The following PRKG1 variants were observed in gnomAD, a reference collection of about 807,000 sequenced individuals.
PRKG1 encodes the protein cGMP-dependent protein kinase 1.
PRKG1 carries 35 observed loss-of-function variants against 88.1 expected under a neutral mutation model. The observed-to-expected ratio is 0.40, with a 90% CI of 0.30 to 0.53. The LOEUF (loss-of-function observed/expected upper bound fraction) is 0.53. Ranked by LOEUF, PRKG1 falls within the 20% of genes least tolerant of loss-of-function variation. The pLI is 0.59. For synonymous variants in PRKG1, 303 were observed against 292.5 expected (o/e 1.04, Z -0.37); for missense variants, 540 against 839.8 (o/e 0.64, Z 4.41).
chr10:51,148,196 C>T (rs1056985145), intron 1 of PRKG1: 1 of 974,900 alleles, frequency 1.0e-6, no homozygotes. Context: ...GAGCTGTGGA[C>T]TGTCATGTCC....
At chr10:51,834,855 G>A (rs542371315) in intron 4 of PRKG1, among the ~76,000 whole-genome samples, 1 of 152,202 alleles carries the variant, frequency 6.6e-6, no homozygotes, top group East Asian at 1.9e-4. Flanking sequence ...ATTGCATGGG[G>A]CAAGTGAGAT....
At chr10:51,954,628 G>A (rs747485956) in intron 5 of PRKG1, among the ~76,000 whole-genome samples, 3 of 152,076 alleles carry the variant, frequency 2.0e-5, no homozygotes, top group Admixed American at 6.6e-5. Context: ...GAACATAGAC[G>A]CCCACTTTCT....
At chr10:51,533,616 T>TA (rs1411144530) in intron 3 of PRKG1, among the ~76,000 whole-genome samples, 2 of 80,258 alleles carry the variant, frequency 2.5e-5, no homozygotes, top group African/African-American at 3.3e-5. Flanking sequence ...ACTAAAAGCT[T>TA]TAAAAAAAAA....
chr10:52,220,715 A>C (rs1333099397), intron 9 of PRKG1, among the ~76,000 whole-genome samples: 1 of 151,692 alleles, frequency 6.6e-6, no homozygotes, highest in Non-Finnish European at 1.5e-5. Context: ...AATGGCCTCC[A>C]CCTCCACCCA....
chr10:52,249,291 C>T (rs1312722601), intron 9 of PRKG1, among the ~76,000 whole-genome samples: 3 of 151,376 alleles, frequency 2.0e-5, no homozygotes, highest in East Asian at 3.9e-4. Flanking sequence ...CCATTTTAAT[C>T]CACCCCAAAA....
intron 2 of PRKG1, among the ~76,000 whole-genome samples, chr10:51,273,963 T>G (rs1465369835): frequency 6.6e-6 from 1 of 152,246 alleles, no homozygotes; most frequent in East Asian, 1.9e-4. Flanking sequence ...AAAGATGGAA[T>G]GTGTACAAAT....
chr10:51,048,192 T>G (rs879260154), intron 1 of PRKG1, among the ~76,000 whole-genome samples: 1 of 152,186 alleles, frequency 6.6e-6, no homozygotes, highest in Non-Finnish European at 1.5e-5. Flanking sequence ...GTCTTCCTTC[T>G]TCCTTTGTTC....
At chr10:51,162,641 AT>A (rs1564622897) in intron 2 of PRKG1, among the ~76,000 whole-genome samples, 2 of 152,122 alleles carry the variant, frequency 1.3e-5, no homozygotes, top group Non-Finnish European at 2.9e-5. Flanking sequence ...ACTGAAGTGG[AT>A]TTTTTTCCTT....
At chr10:51,511,981 A>G (rs1429078601) in intron 3 of PRKG1, among the ~76,000 whole-genome samples, 1 of 152,164 alleles carries the variant, frequency 6.6e-6, no homozygotes, top group Non-Finnish European at 1.5e-5. Flanking sequence ...TGACAACTCA[A>G]ATGAACTAAA....
intron 2 of PRKG1, among the ~76,000 whole-genome samples, chr10:51,400,569 T>G (rs774934480): frequency 1.3e-5 from 2 of 152,124 alleles, no homozygotes; most frequent in Non-Finnish European, 2.9e-5. Context: ...GTGTAAAAAT[T>G]TTTCAAGCCT....
intron 3 of PRKG1, among the ~76,000 whole-genome samples, chr10:51,628,056 CT>C (rs1839411015): frequency 7.1e-6 from 1 of 140,412 alleles, no homozygotes; most frequent in African/African-American, 2.6e-5. Context: ...CTTTCCTTTC[CT>C]TTCTTTCTTT....
At chr10:51,497,271 G>T (rs73338073) in intron 3 of PRKG1, among the ~76,000 whole-genome samples, 14,987 of 151,976 alleles carry the variant, frequency 0.099, 2,327 homozygotes, top group African/African-American at 0.33. Context: ...TTCCTCTTTA[G>T]ATTTTCTTTC....
At chr10:51,826,424 A>G (rs563829588) in intron 4 of PRKG1, among the ~76,000 whole-genome samples, 2 of 152,304 alleles carry the variant, frequency 1.3e-5, no homozygotes, top group African/African-American at 2.4e-5. Context: ...TCTTTCACTT[A>G]AATGTAGCTA....
intron 1 of PRKG1, among the ~76,000 whole-genome samples, chr10:51,109,754 T>C (rs1844937856): frequency 6.6e-6 from 1 of 152,052 alleles, no homozygotes; most frequent in Non-Finnish European, 1.5e-5. Flanking sequence ...AATTGCTAAA[T>C]TGAACAGCAT....
chr10:51,856,792 C>T (rs1274023651), intron 4 of PRKG1, among the ~76,000 whole-genome samples: 1 of 151,364 alleles, frequency 6.6e-6, no homozygotes, highest in Non-Finnish European at 1.5e-5. Context: ...GGTGAAACCC[C>T]GTCTCTACTA....
At chr10:51,405,410 G>T (rs1391078455) in intron 2 of PRKG1, among the ~76,000 whole-genome samples, 2 of 152,134 alleles carry the variant, frequency 1.3e-5, no homozygotes, top group South Asian at 4.1e-4. Context: ...AACAATGCCA[G>T]ACAAATACCA....
intron 2 of PRKG1, among the ~76,000 whole-genome samples, chr10:51,345,112 C>T (rs376594103): frequency 5.3e-5 from 8 of 152,008 alleles, no homozygotes; most frequent in African/African-American, 1.9e-4. Context: ...ATGGGTGCTG[C>T]GTTTATGTCA....
intron 3 of PRKG1, among the ~76,000 whole-genome samples, chr10:51,756,772 G>A (rs537898115): frequency 9.2e-5 from 14 of 151,886 alleles, no homozygotes; most frequent in African/African-American, 2.7e-4. Flanking sequence ...CTGAGATCGC[G>A]CCACTGCACT....
At position 51,896,645 on chromosome 10, in the gene PRKG1, T is replaced by TA. The variant is rs10649150; in HGVS notation, c.699-10837dup. 4.7e-3 allele frequency among the ~76,000 whole-genome samples: 447 copies of TA among 94,984 alleles called. 5 individuals carry two copies. The highest frequency in any genetic ancestry group is 8.0e-3 in the East Asian group (27 of 3,362). The allele number at this position is 94,984 out of a possible 152,430, so 62.3% of individuals were successfully genotyped here. ...GGTGACAGAGCGAGACCCTGTCTCT[T>TA]AAAAAAAAAAAAAAAAAAAAAAAAA... On this transcript the variant is annotated intron_variant, in intron 4 of 17. Transcript: ENST00000373980.
Sources: allele counts gnomAD v4.1 joint callset (sites outside exome capture counted in the v4.1 genomes callset), GRCh38; gene constraint gnomAD v4.1.1; transcripts MANE v1.5; gene names NCBI Gene and HGNC (gene_info 2026-07-23, HGNC 2026-07-21).